Variants in ENOX1 observed in about 807,000 individuals in gnomAD.
ENOX1 encodes the protein ecto-NOX disulfide-thiol exchanger 1.
A neutral mutation model predicts 82.5 loss-of-function variants in ENOX1; 42 were observed. The observed-to-expected ratio is 0.51, with a 90% CI of 0.40 to 0.66. The LOEUF is 0.66. Ranked by LOEUF, ENOX1 falls within the 30% of genes least tolerant of loss-of-function variation. ENOX1 has a pLI of 0.00. For missense variants in ENOX1, 608 were observed against 811.6 expected (o/e 0.75, Z 3.05); for synonymous variants, 271 against 282.2 (o/e 0.96, Z 0.40).
chr13:43,238,678 T>C (rs577305897), intron 14 of ENOX1, among the ~76,000 whole-genome samples: 1 of 152,050 alleles, frequency 6.6e-6, no homozygotes, highest in South Asian at 2.1e-4. Context: ...AGGATAATGA[T>C]TGCATCATTA....
intron 1 of ENOX1, among the ~76,000 whole-genome samples, chr13:43,678,431 CT>C (rs2085621426): frequency 6.6e-6 from 1 of 152,094 alleles, no homozygotes; most frequent in Non-Finnish European, 1.5e-5. Flanking sequence ...TCTGCCTGTC[CT>C]TGTAGAGTCT....
chr13:43,334,797 C>G (rs1243907533), intron 9 of ENOX1, among the ~76,000 whole-genome samples: 1 of 152,150 alleles, frequency 6.6e-6, no homozygotes. Flanking sequence ...TCAGCCTTCT[C>G]ATTTTGTCTA....
chr13:43,496,245 A>T (rs2076788411), intron 2 of ENOX1, among the ~76,000 whole-genome samples: 1 of 152,136 alleles, frequency 6.6e-6, no homozygotes, highest in African/African-American at 2.4e-5. Context: ...GACTTTTTCT[A>T]GAAATCTTAT....
chr13:43,229,642 G>A lies in ENOX1; in HGVS notation c.1715-5504C>T, dbSNP rs530011536. 3.3e-5 allele frequency among the ~76,000 whole-genome samples: 5 copies of A among 152,336 alleles called. No homozygotes were observed. In the South Asian group the frequency reaches 1.0e-3, roughly 32 times the overall value. ...TTTTAAAAACTTCCCTCAAGCTGCTGTATGGAGGGTAGAGCAGAGGGGGAA... is the reference window on the plus strand; with the variant it reads ...TTTTAAAAACTTCCCTCAAGCTGCTATATGGAGGGTAGAGCAGAGGGGGAA... On this transcript the variant is annotated intron_variant, in intron 15 of 16. Coordinates refer to ENST00000690772, the MANE Select transcript of ENOX1 (RefSeq NM_001347969.2).
intron 2 of ENOX1, among the ~76,000 whole-genome samples, chr13:43,530,368 A>C (rs1263272013): frequency 2.0e-5 from 3 of 152,138 alleles, no homozygotes; most frequent in Non-Finnish European, 2.9e-5. Context: ...CTCTGATAGG[A>C]ACCCACCTGG....
chr13:43,420,558 C>T (rs2054914065), intron 3 of ENOX1, among the ~76,000 whole-genome samples: 1 of 152,098 alleles, frequency 6.6e-6, no homozygotes. Context: ...GTAGGAATTG[C>T]TCTGTAAAGT....
intron 2 of ENOX1, among the ~76,000 whole-genome samples, chr13:43,615,487 G>A (rs2082368398): frequency 6.6e-6 from 1 of 152,094 alleles, no homozygotes; most frequent in South Asian, 2.1e-4. Flanking sequence ...TCAAAATTTT[G>A]TTCTCTCTTC....
At chr13:43,402,324 C>G (rs929250281) in intron 5 of ENOX1, among the ~76,000 whole-genome samples, 12 of 152,140 alleles carry the variant, frequency 7.9e-5, no homozygotes, top group South Asian at 4.1e-4. Context: ...TGATTGAAGA[C>G]AGAAAATCTA....
intron 5 of ENOX1, among the ~76,000 whole-genome samples, chr13:43,383,597 AG>A (rs1566085338): frequency 6.6e-6 from 1 of 152,156 alleles, no homozygotes; most frequent in Non-Finnish European, 1.5e-5. Flanking sequence ...CTCAATAAAT[AG>A]GGTCTATTTA....
chr13:43,695,330 G>A (rs566079606), intron 1 of ENOX1, among the ~76,000 whole-genome samples: 2 of 151,944 alleles, frequency 1.3e-5, no homozygotes, highest in Admixed American at 6.6e-5. Flanking sequence ...TCTGAGCCTT[G>A]ATCTCCTCAT....
At chr13:43,504,334 A>G (rs1164399917) in intron 2 of ENOX1, among the ~76,000 whole-genome samples, 1 of 151,782 alleles carries the variant, frequency 6.6e-6, no homozygotes, top group Non-Finnish European at 1.5e-5. Context: ...AACCAAAGGA[A>G]TCAAAGTCTG....
intron 2 of ENOX1, among the ~76,000 whole-genome samples, chr13:43,564,963 G>T (rs1227164315): frequency 2.0e-5 from 3 of 152,142 alleles, no homozygotes; most frequent in Non-Finnish European, 4.4e-5. Flanking sequence ...TAAAAAAGAA[G>T]TGGTAGTGGT....
chr13:43,616,204 A>ATATATATATT lies in ENOX1; in HGVS notation c.-219+51274_-219+51275insAATATATATA, dbSNP rs1457149422. On this transcript the variant is annotated intron_variant, in intron 2 of 16. Coordinates refer to ENST00000690772, the MANE Select transcript of ENOX1 (RefSeq NM_001347969.2). ...TATCTATCTATATATATATATATAT[A>ATATATATATT]TTTTTTTTTTTTTTTTAGGACGGAG... Among the ~76,000 whole-genome samples the ATATATATATT allele has an allele frequency of 7.2e-4, 11 of 15,318 alleles. No homozygotes were observed. The South Asian group carries it at 0.023, about 32-fold the overall frequency. The allele number at this position is 15,318 out of a possible 152,430, so 10.0% of individuals were successfully genotyped here.
chr13:43,714,323 T>C (rs1458215928), intron 1 of ENOX1, among the ~76,000 whole-genome samples: 1 of 152,188 alleles, frequency 6.6e-6, no homozygotes, highest in Non-Finnish European at 1.5e-5. Flanking sequence ...TGAGGAGTGC[T>C]TTACTTCCAA....
intron 2 of ENOX1, among the ~76,000 whole-genome samples, chr13:43,630,280 T>G (rs1391814814): frequency 2.0e-5 from 3 of 152,192 alleles, no homozygotes; most frequent in African/African-American, 4.8e-5. Context: ...TTTTGCCAGA[T>G]GAGTATCCAC....
At chr13:43,673,707 T>C (rs2085373034) in intron 1 of ENOX1, among the ~76,000 whole-genome samples, 1 of 152,192 alleles carries the variant, frequency 6.6e-6, no homozygotes, top group South Asian at 2.1e-4. Context: ...AAGACTACAG[T>C]TTGGTAAATG....
intron 2 of ENOX1, among the ~76,000 whole-genome samples, chr13:43,557,918 GGTGT>G (rs2079513059): frequency 6.6e-6 from 1 of 152,158 alleles, no homozygotes; most frequent in South Asian, 2.1e-4. Flanking sequence ...TAGCTGATAG[GGTGT>G]GTACTACTTA....
chr13:43,295,651 GCTGACCCCT>G (rs2153505272), intron 12 of ENOX1, among the ~76,000 whole-genome samples: 1 of 152,226 alleles, frequency 6.6e-6, no homozygotes, highest in Admixed American at 6.5e-5. Flanking sequence ...CATATGGGAG[GCTGACCCCT>G]CCTCTCTCTG....
chr13:43,666,765 T>C (rs1357124369), intron 2 of ENOX1, among the ~76,000 whole-genome samples: 1 of 152,174 alleles, frequency 6.6e-6, no homozygotes, highest in Admixed American at 6.6e-5. Context: ...AAAATTACCA[T>C]GGTCATCAGA....
Sources: allele counts gnomAD v4.1 joint callset (sites outside exome capture counted in the v4.1 genomes callset), GRCh38; gene constraint gnomAD v4.1.1; transcripts MANE v1.5; gene names NCBI Gene and HGNC (gene_info 2026-07-23, HGNC 2026-07-21).